The following AGPAT5 variants were observed in gnomAD, a reference collection of about 807,000 sequenced individuals.
AGPAT5 encodes 1-acyl-sn-glycerol-3-phosphate acyltransferase epsilon.
A neutral mutation model predicts 45.6 loss-of-function variants in AGPAT5; 46 were observed. The observed-to-expected ratio is 1.01, with a 90% confidence interval of 0.80 to 1.29. The LOEUF is 1.29. Ranked by LOEUF, AGPAT5 falls within the 50% of genes most tolerant of loss-of-function variation. AGPAT5 has a pLI of 0.00. For missense variants in AGPAT5, 673 were observed against 450.7 expected (o/e 1.49, Z -4.47); for synonymous variants, 272 against 167.0 (o/e 1.63, Z -4.85).
At position 6,755,095 on chromosome 8, in the gene AGPAT5, C is replaced by G. The variant is rs570636724; in HGVS notation, c.790C>G (p.Arg264Gly). ...TCCAAAAATTCATATTCACATTGAT[C>G]GTATCGACAAAAAAGATGTCCCAGA... is the stretch of plus-strand genomic sequence containing the variant. ...ECPKIHIHID[R>G]IDKKDVPEEQ... The change falls in exon 7 of 8, where the codon CGT becomes GGT. Residue 264 changes from arginine (R) to glycine (G), a missense_variant. Transcript: ENST00000285518. 2 of 1,604,946 alleles carry G rather than the reference C, an allele frequency of 1.2e-6. No individual in the cohort carries two copies. Among genetic ancestry groups the G allele is most frequent in the Non-Finnish European group, 8.5e-7 (1 of 1,177,206 alleles).
chr8:6,715,707 A>G (rs1029099915), intron 1 of AGPAT5, among the ~76,000 whole-genome samples: 1 of 152,216 alleles, frequency 6.6e-6, no homozygotes, highest in Non-Finnish European at 1.5e-5. Flanking sequence ...TCTAGGAAAG[A>G]CATGAACTGC....
chr8:6,749,400 G>A (rs1489017031), intron 6 of AGPAT5, among the ~76,000 whole-genome samples: 2 of 152,218 alleles, frequency 1.3e-5, no homozygotes, highest in South Asian at 2.1e-4. Flanking sequence ...TAATTGTAAA[G>A]TAGAAAACTA....
intron 1 of AGPAT5, among the ~76,000 whole-genome samples, chr8:6,711,807 C>T (rs1800164589): frequency 6.6e-6 from 1 of 152,208 alleles, no homozygotes; most frequent in South Asian, 2.1e-4. Flanking sequence ...ATCACTTTAA[C>T]CTCTGCCTTA....
At chr8:6,742,558 T>C (rs530446693) in intron 5 of AGPAT5, among the ~76,000 whole-genome samples, 1 of 152,230 alleles carries the variant, frequency 6.6e-6, no homozygotes. Context: ...TGCTGTCTAA[T>C]GGAACTTTCT....
chr8:6,730,912 CAGGCTG>C lies in AGPAT5; in HGVS notation c.405+89_405+94del, dbSNP rs1423548577. 36 of 815,648 alleles carry C rather than the reference CAGGCTG, an allele frequency of 4.4e-5. 1 individual carries two copies. Among genetic ancestry groups the C allele is most frequent in the Non-Finnish European group, 6.5e-5 (35 of 541,960 alleles). 50.5% of individuals were successfully genotyped at this position (815,648 alleles called of 1,614,324 possible). A position where few individuals can be genotyped will look rare whatever the true frequency, so the allele number is the denominator to read the frequency against. On this transcript the variant is annotated intron_variant, in intron 3 of 7. Transcript: ENST00000285518. ...TTGGAGACAGTCTCACTTTATTGCT[CAGGCTG>C]AGTGCAGTGGTGTGAACACAGCTCA...
At chr8:6,756,579 A>T (rs1481235128) in intron 7 of AGPAT5, among the ~76,000 whole-genome samples, 1 of 149,652 alleles carries the variant, frequency 6.7e-6, no homozygotes, top group African/African-American at 2.5e-5. Flanking sequence ...CATTGTGCCA[A>T]CTCCAGCCTG....
In AGPAT5 at chr8:6,732,665, GT is replaced by G; in HGVS notation, c.495+20del. On this transcript the variant is annotated intron_variant, in intron 4 of 7. Transcript: ENST00000285518. ...CAGGAACTCCAGTAAGAGCCTACCC[GT>G]TTTTATTTTTCTTACCAGCTCTCAG... 2 of 1,571,250 alleles carry G rather than the reference GT, an allele frequency of 1.3e-6. No homozygotes were observed. The highest frequency in any genetic ancestry group is 1.2e-5 in the South Asian group (1 of 83,858).
In AGPAT5 at chr8:6,708,712, T is replaced by A. The variant is rs983257026; in HGVS notation, c.44T>A (p.Leu15Gln). 7 of 1,606,020 alleles carry A rather than the reference T, an allele frequency of 4.4e-6. No homozygotes were observed. The highest frequency in any genetic ancestry group is 5.9e-6 in the Non-Finnish European group (7 of 1,179,580). ...CTCCACACGTACTCCATGCGCTACC[T>A]GCTGCCCAGCGTCGTGCTCCTGGGC... Reference protein sequence around the residue: ...LVLHTYSMRYLLPSVVLLGTA... With the variant: ...LVLHTYSMRYQLPSVVLLGTA... The change falls in exon 1 of 8, where the codon CTG becomes CAG. Residue 15 changes from leucine (L) to glutamine (Q), a missense_variant. Transcript: ENST00000285518.
At chr8:6,736,147 C>G (rs1171503997) in intron 4 of AGPAT5, among the ~76,000 whole-genome samples, 1 of 152,172 alleles carries the variant, frequency 6.6e-6, no homozygotes, top group Admixed American at 6.5e-5. Flanking sequence ...CCACCACGCC[C>G]AGCCTTCTTC....
Position 6,757,681 on chromosome 8 carries a change from T to C in AGPAT5, c.*293T>C, listed in dbSNP as rs976649064. The C allele has an allele frequency of 3.8e-5, 10 of 260,608 alleles. No individual in the cohort carries two copies. Among genetic ancestry groups the C allele is most frequent in the Admixed American group, 2.0e-4 (4 of 20,054 alleles). 16.1% of individuals were successfully genotyped at this position (260,608 alleles called of 1,614,324 possible). A position where few individuals can be genotyped will look rare whatever the true frequency, so the allele number is the denominator to read the frequency against. On this transcript the variant is annotated 3_prime_UTR_variant, in exon 8 of 8. Coordinates refer to ENST00000285518, the MANE Select transcript of AGPAT5 (RefSeq NM_018361.5). ...CAACTTGAGAAGGCTGGGAGGATTG[T>C]GTATTTTGCAAGTCAGATGGCTGCA...
In AGPAT5 at chr8:6,758,573, C is replaced by T. The variant is rs1801923573; in HGVS notation, c.*1185C>T. The T allele has an allele frequency of 6.6e-6, 1 of 152,332 alleles. No individual in the cohort carries two copies. The highest frequency in any genetic ancestry group is 2.4e-5 in the African/African-American group (1 of 41,450). The allele number at this position is 152,332 out of a possible 1,614,324, so 9.4% of individuals were successfully genotyped here. On this transcript the variant is annotated 3_prime_UTR_variant, in exon 8 of 8. Coordinates refer to ENST00000285518, the MANE Select transcript of AGPAT5 (RefSeq NM_018361.5). The stretch of plus-strand genomic sequence containing the variant: ...AGAGGCATTTTGCATTTGTCTGTGT[C>T]AAGAAGTTCACCTTCTCAAGCCAGT...
chr8:6,738,387 G>A (rs1161482759), intron 4 of AGPAT5: 1 of 152,194 alleles, frequency 6.6e-6, no homozygotes, highest in Non-Finnish European at 1.5e-5. Flanking sequence ...GGAGCAGTCA[G>A]AACACACACG....
At position 6,760,656 on chromosome 8, in the gene AGPAT5, T is replaced by C. The variant is rs534395322; in HGVS notation, c.*3268T>C. Among the ~76,000 whole-genome samples the C allele has an allele frequency of 2.0e-5, 3 of 152,358 alleles. No individual in the cohort carries two copies. Among genetic ancestry groups the C allele is most frequent in the Admixed American group, 6.5e-5 (1 of 15,302 alleles). ...GTGGAAAGCTACAATGCAATGTCGT[T>C]GTAGTTTTGCATGGCTTGCTTTATA... is the stretch of plus-strand genomic sequence containing the variant. On this transcript the variant is annotated 3_prime_UTR_variant, in exon 8 of 8. Transcript: ENST00000285518.
chr8:6,747,190 C>T (rs997443913), intron 5 of AGPAT5, among the ~76,000 whole-genome samples: 2 of 152,168 alleles, frequency 1.3e-5, no homozygotes, highest in South Asian at 4.1e-4. Flanking sequence ...ACTAACTATT[C>T]AGCCATAAAA....
At chr8:6,734,744 CT>C (rs1190281884) in intron 4 of AGPAT5, among the ~76,000 whole-genome samples, 6 of 151,926 alleles carry the variant, frequency 3.9e-5, no homozygotes, top group Admixed American at 1.3e-4. Flanking sequence ...AATGGATAGA[CT>C]TGTCTTTCTG....
In AGPAT5 at chr8:6,741,726, T is replaced by C. The variant is rs376651920; in HGVS notation, c.561T>C (p.Ala187=). The C allele has an allele frequency of 2.0e-5, 33 of 1,612,512 alleles. No individual in the cohort carries two copies. Among genetic ancestry groups the C allele is most frequent in the Non-Finnish European group, 2.8e-5 (33 of 1,179,178 alleles). The part of the protein sequence containing the change: ...YNPEQTKVLS[A]SQAFAAQRGL... ...CAGAGCAAACAAAAGTCCTTTCAGC[T>C]AGTCAGGCATTTGCTGCCCAACGTG... The change falls in exon 5 of 8, where the codon GCT becomes GCC. Residue 187 remains alanine (A), a synonymous_variant. Transcript: ENST00000285518.
At chr8:6,718,514 T>C (rs1487356179) in intron 1 of AGPAT5, among the ~76,000 whole-genome samples, 1 of 19,842 alleles carries the variant, frequency 5.0e-5, no homozygotes, top group Admixed American at 6.9e-4. Context: ...GAAAACACTG[T>C]GTAAGCTTTC....
Position 6,761,047 on chromosome 8 carries a change from T to G in AGPAT5, c.*3659T>G, listed in dbSNP as rs911340665. Among the ~76,000 whole-genome samples, 1 of 152,034 alleles carries G rather than the reference T, an allele frequency of 6.6e-6. No homozygotes were observed. The highest frequency in any genetic ancestry group is 1.5e-5 in the Non-Finnish European group (1 of 68,022). ...ATCTATTCCTGTAGCAACTGGGGAG[T>G]CATATATGAGGTCAAAGACATATAC... On this transcript the variant is annotated 3_prime_UTR_variant, in exon 8 of 8. Transcript: ENST00000285518.
At chr8:6,741,990 G>C (rs562150534) in intron 5 of AGPAT5, among the ~76,000 whole-genome samples, 4 of 152,206 alleles carry the variant, frequency 2.6e-5, no homozygotes, top group Admixed American at 6.5e-5. Flanking sequence ...ACATATTCTT[G>C]TGCCATGGAT....
Sources: gnomAD v4.1 joint callset for allele counts (sites outside exome capture counted in the v4.1 genomes callset) on GRCh38, gnomAD v4.1.1 for gene constraint, MANE v1.5 for transcripts, NCBI Gene and HGNC (gene_info 2026-07-23, HGNC 2026-07-21) for gene names.